The following SGCD variants were observed in gnomAD, a reference collection of about 807,000 sequenced individuals.
The protein encoded by SGCD is delta-sarcoglycan.
In SGCD, 18 loss-of-function variants were observed where a neutral mutation model predicts 36.6. The ratio of observed to expected loss-of-function variants is 0.49; its 90% CI spans 0.34 to 0.73. The LOEUF (loss-of-function observed/expected upper bound fraction) is 0.73, where lower values mean the gene tolerates loss of function less well. Among genes scored for constraint, SGCD ranks in the 30% least tolerant of loss-of-function variants. The pLI, the probability that SGCD is intolerant of heterozygous loss-of-function variation, is 0.01. For missense variants in SGCD, 387 were observed against 346.7 expected, an observed-to-expected ratio of 1.12 and a Z score of -0.92; for synonymous variants, 133 against 130.6, an observed-to-expected ratio of 1.02 and a Z score of -0.12.
intron 3 of SGCD, among the ~76,000 whole-genome samples, chr5:156,475,359 GAC>G (rs1561719714): frequency 6.6e-6 from 1 of 152,170 alleles, no homozygotes; most frequent in Non-Finnish European, 1.5e-5. Context: ...CTGTCATAGT[GAC>G]AGTTCAGACT....
chr5:156,098,595 A>G (rs1228779008), intron 1 of SGCD, among the ~76,000 whole-genome samples: 1 of 128,032 alleles, frequency 7.8e-6, no homozygotes, highest in Non-Finnish European at 1.5e-5. Flanking sequence ...GGTTGTGTGT[A>G]TGTGTATATA....
chr5:156,454,357 T>C (rs1239047119), intron 3 of SGCD, among the ~76,000 whole-genome samples: 1 of 152,058 alleles, frequency 6.6e-6, no homozygotes, highest in Non-Finnish European at 1.5e-5. Flanking sequence ...TAAATTCTGA[T>C]GAAAGAGTAA....
chr5:155,900,425 T>A (rs185281529), intron 1 of SGCD, among the ~76,000 whole-genome samples: 6,783 of 151,754 alleles, frequency 0.045, 401 homozygotes, highest in African/African-American at 0.13. Context: ...CTAGCTTTTT[T>A]TTATTATTAT....
intron 3 of SGCD, among the ~76,000 whole-genome samples, chr5:156,228,329 G>A (rs974618835): frequency 2.6e-5 from 4 of 152,132 alleles, no homozygotes; most frequent in African/African-American, 9.6e-5. Flanking sequence ...TCCAGTGTTA[G>A]GTGCATATAT....
At chr5:156,176,462 ATTTC>A (rs1203426828) in intron 3 of SGCD, among the ~76,000 whole-genome samples, 5 of 152,064 alleles carry the variant, frequency 3.3e-5, no homozygotes, top group African/African-American at 9.7e-5. Context: ...CAAAAAAAGT[ATTTC>A]TTTCTCTCCC....
chr5:156,350,049 A>T (rs1769157568), intron 3 of SGCD, among the ~76,000 whole-genome samples: 1 of 151,626 alleles, frequency 6.6e-6, no homozygotes, highest in African/African-American at 2.4e-5. Flanking sequence ...GCACAGGCAT[A>T]TAGAGTGGTA....
chr5:156,557,169 G>A (rs1759061721), intron 4 of SGCD, among the ~76,000 whole-genome samples: 2 of 152,108 alleles, frequency 1.3e-5, no homozygotes, highest in South Asian at 4.1e-4. Context: ...TTCCCAGGAA[G>A]CCACCAGTCA....
chr5:156,331,955 C>G (rs1181386841), intron 2 of SGCD, among the ~76,000 whole-genome samples: 1 of 152,134 alleles, frequency 6.6e-6, no homozygotes, highest in South Asian at 2.1e-4. Context: ...CTTTCTAGCC[C>G]TTTCGCTCTT....
At chr5:155,934,952 G>A (rs1045550791) in intron 1 of SGCD, among the ~76,000 whole-genome samples, 5 of 152,170 alleles carry the variant, frequency 3.3e-5, no homozygotes, top group African/African-American at 9.7e-5. Flanking sequence ...CAGAGCTATC[G>A]TCAGCACCCA....
chr5:156,593,020 C>G (rs1461268936), intron 5 of SGCD, among the ~76,000 whole-genome samples: 1 of 150,994 alleles, frequency 6.6e-6, no homozygotes, highest in Non-Finnish European at 1.5e-5. Flanking sequence ...TTCCTACACT[C>G]ACAGCACTTT....
chr5:155,833,692 G>A, the SGCD span, among the ~76,000 whole-genome samples: 9 of 152,140 alleles, frequency 5.9e-5, no homozygotes, highest in East Asian at 3.9e-4. Context: ...GGTGAGCAGC[G>A]GAAAGTGTAG....
At chr5:155,917,792 G>A (rs244953) in intron 1 of SGCD, among the ~76,000 whole-genome samples, 131,783 of 152,140 alleles carry the variant, frequency 0.87, 57,068 homozygotes, top group Admixed American at 0.91. Flanking sequence ...TCTGTTCCCA[G>A]AGAAGGAGTT....
the SGCD span, among the ~76,000 whole-genome samples, chr5:155,764,806 C>T: frequency 6.6e-6 from 1 of 152,096 alleles, no homozygotes; most frequent in Admixed American, 6.5e-5. Flanking sequence ...AGCAAGACAG[C>T]CATGCTAAGA....
intron 5 of SGCD, among the ~76,000 whole-genome samples, chr5:156,589,874 G>A (rs1415954320): frequency 3.3e-5 from 5 of 152,136 alleles, no homozygotes; most frequent in Admixed American, 1.3e-4. Context: ...TGTGCCTAAC[G>A]GCTGTGGAAA....
In SGCD at chr5:156,761,498, T is replaced by TATCA. The variant is rs1371510113; in HGVS notation, c.*2111_*2114dup. ...GGGCCATGTTGCCAGAATCTGTATG[T>TATCA]ATCAATACAGGGTTTTTCCAAGCCA... On this transcript the variant is annotated 3_prime_UTR_variant, in exon 9 of 9. Coordinates refer to ENST00000337851, the MANE Select transcript of SGCD (RefSeq NM_000337.6). 2 of 152,162 alleles carry TATCA rather than the reference T, an allele frequency of 1.3e-5. No individual in the cohort carries two copies. Among genetic ancestry groups the TATCA allele is most frequent in the African/African-American group, 4.8e-5 (2 of 41,438 alleles). The allele number at this position is 152,162 out of a possible 1,614,324, so 9.4% of individuals were successfully genotyped here. A position where few individuals can be genotyped will look rare whatever the true frequency, so the allele number is the denominator to read the frequency against.
intron 1 of SGCD, among the ~76,000 whole-genome samples, chr5:155,890,871 A>T (rs1197175427): frequency 2.6e-5 from 4 of 152,008 alleles, no homozygotes; most frequent in African/African-American, 9.7e-5. Flanking sequence ...TGGTGGTGGG[A>T]GAATAAGAGT....
intron 1 of SGCD, among the ~76,000 whole-genome samples, chr5:156,087,437 G>A (rs540171230): frequency 2.6e-4 from 40 of 151,996 alleles, no homozygotes; most frequent in Non-Finnish European, 1.5e-4. Flanking sequence ...TCAGGAGTTC[G>A]AGACCAGCCT....
At chr5:155,940,700 C>A (rs1337848766) in intron 1 of SGCD, among the ~76,000 whole-genome samples, 1 of 151,990 alleles carries the variant, frequency 6.6e-6, no homozygotes, top group African/African-American at 2.4e-5. Flanking sequence ...AAAAAATTAG[C>A]CAGGTGTGGT....
At chr5:156,182,459 C>T (rs1353084283) in intron 3 of SGCD, among the ~76,000 whole-genome samples, 1 of 152,092 alleles carries the variant, frequency 6.6e-6, no homozygotes, top group African/African-American at 2.4e-5. Flanking sequence ...GGCATGATGG[C>T]ACAGGCCTGT....
Sources: gnomAD v4.1 joint callset for allele counts (sites outside exome capture counted in the v4.1 genomes callset) on GRCh38, gnomAD v4.1.1 for gene constraint, MANE v1.5 for transcripts, NCBI Gene and HGNC (gene_info 2026-07-23, HGNC 2026-07-21) for gene names.